The following USP24 variants were observed in gnomAD, a reference collection of about 807,000 sequenced individuals.
USP24 encodes ubiquitin carboxyl-terminal hydrolase 24.
Under a neutral mutation model 361.6 loss-of-function variants are expected in USP24, and 97 were observed. The observed-to-expected ratio is 0.27, with a 90% CI of 0.23 to 0.32. The LOEUF is 0.32. Among genes scored for constraint, USP24 ranks in the 10% least tolerant of loss-of-function variants. The pLI, the probability that USP24 is intolerant of heterozygous loss-of-function variation, is 1.00. For missense variants in USP24, 2,353 were observed against 3,165.6 expected, an observed-to-expected ratio of 0.74 and a Z score of 6.16; for synonymous variants, 1,098 against 1,124.6, an observed-to-expected ratio of 0.98 and a Z score of 0.47.
intron 63 of USP24, among the ~76,000 whole-genome samples, chr1:55,074,681 A>AATAT (rs1557524397): frequency 7.2e-6 from 1 of 139,172 alleles, no homozygotes; most frequent in African/African-American, 2.6e-5. Context: ...TAAATAAATA[A>AATAT]AAATAAAAAA....
rs952470513 is a variant in USP24 at position 55,153,889 on chromosome 1, T to C, written c.1841A>G (p.Asn614Ser). Residue 614 changes from asparagine to serine, a missense_variant, in exon 16 of 68, where the codon AAC (asparagine) becomes AGC (serine). This residue lies in a region of USP24 where 386 missense variants were observed against 560.5 expected (regional missense o/e 0.69). Transcript: ENST00000294383. ...TCTTACCTTGAATCCATCCTTCTTG[T>C]TTTTTTCCAAACCTGACCATTCTCC... The part of the protein sequence containing the change: ...RPGEWSGLEK[N>S]KKDGFKSSQL... 3.2e-6 allele frequency: 5 copies of C among 1,551,042 alleles called. No homozygotes were observed. Among genetic ancestry groups the C allele is most frequent in the Admixed American group, 3.9e-5 (2 of 50,898 alleles).
chr1:55,159,116 A>C, intron 9 of USP24, 80 bp from the exon 10 acceptor site: 3 of 1,235,688 alleles, frequency 2.4e-6, no homozygotes, highest in South Asian at 2.3e-5. Context: ...ATACACAAGA[A>C]TATAGGGTAA....
intron 12 of USP24, among the ~76,000 whole-genome samples, chr1:55,156,332 T>C (rs1385006295): frequency 1.3e-5 from 2 of 151,688 alleles, no homozygotes; most frequent in South Asian, 2.1e-4. Flanking sequence ...ATGCCTGCAA[T>C]TGACTTATGA....
At chr1:55,088,658 G>A (rs1645304551) in intron 55 of USP24, among the ~76,000 whole-genome samples, 1 of 152,164 alleles carries the variant, frequency 6.6e-6, no homozygotes, top group South Asian at 2.1e-4. Flanking sequence ...AGTGGGCACA[G>A]CTGAGGCAGA....
chr1:55,106,415 T>TA (rs1645774942), intron 40 of USP24, among the ~76,000 whole-genome samples, 152 bp from the exon 41 acceptor site: 1 of 152,210 alleles, frequency 6.6e-6, no homozygotes, highest in Admixed American at 6.5e-5. Flanking sequence ...TTGGAGGACT[T>TA]ACTACATGGC....
At chr1:55,162,363 T>G (rs1239302153) in intron 7 of USP24, 99 bp from the exon 8 acceptor site, 2 of 1,047,240 alleles carry the variant, frequency 1.9e-6, no homozygotes, top group African/African-American at 3.3e-5. Context: ...AAAGTTTAAA[T>G]AGTGAGTTGA....
intron 65 of USP24, 116 bp from the exon 66 acceptor site, chr1:55,072,519 C>T (rs1644941391): frequency 2.0e-5 from 17 of 850,232 alleles, no homozygotes; most frequent in Non-Finnish European, 2.5e-5. Context: ...ACAAGTCTAC[C>T]CAGACCTTCC....
intron 1 of USP24, among the ~76,000 whole-genome samples, chr1:55,213,895 C>CA (rs1189423940): frequency 6.6e-6 from 1 of 152,170 alleles, no homozygotes; most frequent in East Asian, 1.9e-4. Flanking sequence ...ACTGCGCTCC[C>CA]ACCCTGTTCC....
chr1:55,121,289 T>C, intron 37 of USP24, 147 bp downstream of exon 37: 1 of 632,500 alleles, frequency 1.6e-6, no homozygotes, highest in Non-Finnish European at 2.6e-6. Context: ...AATGGTTACT[T>C]TTCTTTCATG....
chr1:55,156,747 T>C (rs1161735666), intron 12 of USP24, among the ~76,000 whole-genome samples: 1 of 152,184 alleles, frequency 6.6e-6, no homozygotes, highest in Non-Finnish European at 1.5e-5. Context: ...CCAGACTAGA[T>C]CAGCAGTTTG....
At chr1:55,146,742 G>T (rs1254008423) in intron 19 of USP24, among the ~76,000 whole-genome samples, 187 bp downstream of exon 19, 2 of 151,986 alleles carry the variant, frequency 1.3e-5, no homozygotes, top group African/African-American at 4.8e-5. Context: ...AATTACCAAA[G>T]AACTCATACA....
At chr1:55,198,640 G>A (rs796643955) in intron 1 of USP24, among the ~76,000 whole-genome samples, 18 of 152,278 alleles carry the variant, frequency 1.2e-4, no homozygotes, top group African/African-American at 4.3e-4. Flanking sequence ...GGGGTGGGAT[G>A]ACAAATCACC....
intron 42 of USP24, among the ~76,000 whole-genome samples, chr1:55,102,435 G>A (rs1645658590): frequency 6.6e-6 from 1 of 152,114 alleles, no homozygotes; most frequent in Non-Finnish European, 1.5e-5. Context: ...AAAGGATACT[G>A]TAATTTTACA....
intron 12 of USP24, among the ~76,000 whole-genome samples, chr1:55,156,356 G>A (rs768581205): frequency 3.3e-5 from 5 of 151,908 alleles, no homozygotes; most frequent in Non-Finnish European, 5.9e-5. Flanking sequence ...CCAATACAGT[G>A]AGAAAAGGGC....
chr1:55,129,430 T>C, intron 32 of USP24, 47 bp downstream of exon 32: 1 of 1,508,004 alleles, frequency 6.6e-7, no homozygotes, highest in Middle Eastern at 1.7e-4. Flanking sequence ...CTAAAATAAC[T>C]ATATTCATTT....
At chr1:55,094,824 C>T (rs374678666) in intron 51 of USP24, among the ~76,000 whole-genome samples, 45 of 151,772 alleles carry the variant, frequency 3.0e-4, no homozygotes, top group Middle Eastern at 3.4e-3. Flanking sequence ...CATTGGGAGA[C>T]CTTATCTTTA....
rs1444596389 is a variant in USP24 at position 55,178,993 on chromosome 1, C to A, written c.325-861G>T. On this transcript the variant is annotated intron_variant, in intron 1 of 67. Transcript: ENST00000294383. ...TCTTTTCTCACTGAGGGGATAAATT[C>A]TTCAAAGAGGTATCTATATTTGCCA... is the stretch of plus-strand genomic sequence containing the variant. Among the ~76,000 whole-genome samples, 3 of 152,162 alleles carry A rather than the reference C, an allele frequency of 2.0e-5. No individual in the cohort carries two copies. The East Asian group carries it at 5.8e-4, about 29-fold the overall frequency.
At chr1:55,168,543 G>A (rs780713373) in intron 5 of USP24, among the ~76,000 whole-genome samples, 1 of 152,134 alleles carries the variant, frequency 6.6e-6, no homozygotes, top group Admixed American at 6.6e-5. Flanking sequence ...GTGACCGTAA[G>A]TGTCCATTTG....
At chr1:55,107,156 T>C in intron 40 of USP24, 83 bp downstream of exon 40, 1 of 1,461,678 alleles carries the variant, frequency 6.8e-7, no homozygotes, top group South Asian at 1.4e-5. Context: ...TTGGCATCTA[T>C]CTTATTTTCC....
Sources: gnomAD v4.1 joint callset for allele counts (sites outside exome capture counted in the v4.1 genomes callset) on GRCh38, gnomAD v4.1.1 for gene constraint, gnomAD v4.1.1 regional missense constraint, MANE v1.5 for transcripts, NCBI Gene and HGNC (gene_info 2026-07-23, HGNC 2026-07-21) for gene names.